The following ADD3 variants were observed in gnomAD, a reference collection of about 807,000 sequenced individuals.
ADD3 encodes the protein gamma-adducin.
ADD3 carries 25 observed loss-of-function variants against 80.2 expected under a neutral mutation model. The observed-to-expected ratio is 0.31, with a 90% CI of 0.23 to 0.44. The LOEUF (loss-of-function observed/expected upper bound fraction) is 0.44. ADD3 is among the 20% of genes least tolerant of loss of function. The pLI is 1.00. For missense variants in ADD3, 829 were observed against 847.5 expected (o/e 0.98, Z 0.27); for synonymous variants, 284 against 289.6 (o/e 0.98, Z 0.20).
intron 1 of ADD3, among the ~76,000 whole-genome samples, chr10:110,026,845 A>T (rs1228148662): frequency 6.6e-6 from 1 of 151,684 alleles, no homozygotes; most frequent in African/African-American, 2.4e-5. Flanking sequence ...TATGTCAGTT[A>T]AGCAGAAATT....
intron 1 of ADD3, among the ~76,000 whole-genome samples, chr10:110,015,376 GA>G (rs1451701449): frequency 1.1e-4 from 17 of 149,922 alleles, no homozygotes; most frequent in African/African-American, 2.7e-4. Flanking sequence ...TAGAATGTTT[GA>G]TTTTTTTTTT....
chr10:110,118,860 C>A, intron 6 of ADD3, 124 bp downstream of exon 6: 1 of 1,034,398 alleles, frequency 9.7e-7, no homozygotes. Context: ...TCTGCATACC[C>A]AGAAAGCAAA....
At chr10:110,109,581 CATT>C (rs999686275) in intron 2 of ADD3, among the ~76,000 whole-genome samples, 2 of 152,038 alleles carry the variant, frequency 1.3e-5, no homozygotes, top group Non-Finnish European at 2.9e-5. Flanking sequence ...TAGTAGGTAT[CATT>C]AATTTTGGTT....
At chr10:110,014,584 G>C (rs1352858403) in intron 1 of ADD3, among the ~76,000 whole-genome samples, 4 of 152,048 alleles carry the variant, frequency 2.6e-5, no homozygotes, top group Admixed American at 2.6e-4. Context: ...GGAGTGCAAT[G>C]GCGCAATTCT....
intron 1 of ADD3, among the ~76,000 whole-genome samples, chr10:110,023,869 T>G (rs1853974186): frequency 2.6e-5 from 4 of 152,220 alleles, no homozygotes; most frequent in African/African-American, 9.6e-5. Context: ...TTGCATTTAA[T>G]TTTAAACTTT....
chr10:110,111,653 C>T (rs549405238), intron 2 of ADD3, among the ~76,000 whole-genome samples: 12 of 152,310 alleles, frequency 7.9e-5, no homozygotes, highest in South Asian at 6.2e-4. Flanking sequence ...CGGTGGCTCA[C>T]GCCTGTAATC....
intron 1 of ADD3, among the ~76,000 whole-genome samples, chr10:110,012,886 A>G (rs1852495825): frequency 1.3e-5 from 2 of 152,088 alleles, no homozygotes; most frequent in Admixed American, 6.5e-5. Flanking sequence ...GGCATGAGCC[A>G]CAGGCCTGGT....
At chr10:110,024,091 T>C (rs116004586) in intron 1 of ADD3, among the ~76,000 whole-genome samples, 544 of 152,308 alleles carry the variant, frequency 3.6e-3, no homozygotes, top group African/African-American at 0.013. Flanking sequence ...TAGGATCAAT[T>C]GTACCCCAAA....
At chr10:110,067,871 G>C (rs1307261677) in intron 1 of ADD3, among the ~76,000 whole-genome samples, 1 of 151,838 alleles carries the variant, frequency 6.6e-6, no homozygotes, top group East Asian at 1.9e-4. Flanking sequence ...TTTTTGCTTT[G>C]ATTTGCTTTG....
chr10:110,007,080 G>A (rs1589689249), upstream of ADD3, among the ~76,000 whole-genome samples: 2 of 152,262 alleles, frequency 1.3e-5, no homozygotes, highest in Admixed American at 6.5e-5. Context: ...GGGGTGGGAG[G>A]CCCGGTGTCA....
At chr10:110,057,982 A>G (rs943227898) in intron 1 of ADD3, among the ~76,000 whole-genome samples, 6 of 152,242 alleles carry the variant, frequency 3.9e-5, no homozygotes, top group Non-Finnish European at 5.9e-5. Flanking sequence ...GAAATATGCT[A>G]TCATTTCCCT....
intron 13 of ADD3, among the ~76,000 whole-genome samples, chr10:110,131,509 C>G (rs1025268137): frequency 6.6e-6 from 1 of 152,156 alleles, no homozygotes; most frequent in Non-Finnish European, 1.5e-5. Flanking sequence ...AATTTTCATG[C>G]AAAGCAAAAT....
chr10:110,112,465 T>A (rs11815807), intron 2 of ADD3: 14,283 of 201,270 alleles, frequency 0.071, 2,073 homozygotes, highest in African/African-American at 0.31. Flanking sequence ...CCTTTTTTTT[T>A]ACAATGGTTT....
intron 1 of ADD3, among the ~76,000 whole-genome samples, chr10:110,040,624 A>G (rs1161934612): frequency 6.6e-6 from 1 of 152,166 alleles, no homozygotes. Flanking sequence ...CCAAAGAAGG[A>G]TTTATAAGAA....
At chr10:110,016,319 G>C (rs1442744392) in intron 1 of ADD3, 1 of 152,186 alleles carries the variant, frequency 6.6e-6, no homozygotes, top group East Asian at 1.9e-4. Flanking sequence ...GTACCAAGTG[G>C]AATTGTTGCC....
intron 1 of ADD3, among the ~76,000 whole-genome samples, chr10:110,039,216 T>C (rs1286676487): frequency 1.3e-5 from 2 of 150,762 alleles, no homozygotes; most frequent in African/African-American, 5.0e-5. Context: ...TGTTGTTGCT[T>C]GCCCCACTCA....
intron 1 of ADD3, among the ~76,000 whole-genome samples, chr10:110,080,340 A>G (rs1318377395): frequency 6.6e-6 from 1 of 152,216 alleles, no homozygotes; most frequent in African/African-American, 2.4e-5. Flanking sequence ...ATATTTATGT[A>G]GTATTTTTGT....
chr10:110,059,053 T>C lies in ADD3; in HGVS notation c.-29-41572T>C, dbSNP rs554408582. 3.9e-5 allele frequency among the ~76,000 whole-genome samples: 6 copies of C among 152,346 alleles called. No homozygotes were observed. The South Asian group carries it at 1.0e-3, about 26-fold the overall frequency. ...GTGCTCTCTTTTCACCTCCATTACCTTGGGCCTGGGTTAGGTGCCTTGTCT... is the reference window on the plus strand; with the variant it reads ...GTGCTCTCTTTTCACCTCCATTACCCTGGGCCTGGGTTAGGTGCCTTGTCT... On this transcript the variant is annotated intron_variant, in intron 1 of 14. Transcript: ENST00000356080.
At chr10:110,006,086 A>C, upstream of ADD3, 1 of 169,956 alleles carries the variant, frequency 5.9e-6, no homozygotes, top group Admixed American at 6.2e-5. Context: ...CCACACCTAG[A>C]GAACAGAAGA....
Sources: gnomAD v4.1 joint callset for allele counts (sites outside exome capture counted in the v4.1 genomes callset) on GRCh38, gnomAD v4.1.1 for gene constraint, MANE v1.5 for transcripts, NCBI Gene and HGNC (gene_info 2026-07-23, HGNC 2026-07-21) for gene names.